DGKA: variants seen among roughly 807,000 people sequenced by gnomAD.
The protein encoded by DGKA is 80 kDa diacylglycerol kinase.
A neutral mutation model predicts 105.0 loss-of-function variants in DGKA; 35 were observed. The observed-to-expected ratio is 0.33, with a 90% CI of 0.25 to 0.44. The LOEUF is 0.44. Among genes scored for constraint, DGKA ranks in the 20% least tolerant of loss-of-function variants. DGKA has a pLI of 1.00. For synonymous variants in DGKA, 296 were observed against 332.0 expected (o/e 0.89, Z 1.18); for missense variants, 665 against 915.0 (o/e 0.73, Z 3.53).
In DGKA at chr12:55,937,071, C is replaced by T. The variant is rs765871921; in HGVS notation, c.119C>T (p.Ala40Val). ...VLKLFEDGEM[A>V]KYVQGDAIGY... ...AAGCTCTTCGAGGATGGCGAGATGG[C>T]TAAATATGTCCAAGGAGATGTGAGT... Residue 40 changes from alanine (A) to valine (V), a missense_variant, in exon 3 of 24, where the codon GCT becomes GTT. Ala to Val is a moderately conservative substitution (Grantham distance 64). Coordinates refer to ENST00000331886, the MANE Select transcript of DGKA (RefSeq NM_001345.5). The T allele has an allele frequency of 6.2e-7, 1 of 1,614,134 alleles. No homozygotes were observed. Among genetic ancestry groups the T allele is most frequent in the South Asian group, 1.1e-5 (1 of 91,088 alleles).
Position 55,932,588 on chromosome 12 carries a change from G to A in DGKA, c.-82+1244G>A, listed in dbSNP as rs1187919853. ...GAAATGAGCCTTCCTGAGGAAGAAT[G>A]GCAAATATTACTGGGCATCTCTTCA... is the stretch of plus-strand genomic sequence containing the variant. On this transcript the variant is annotated intron_variant, in intron 1 of 23. Coordinates refer to ENST00000331886, the MANE Select transcript of DGKA (RefSeq NM_001345.5). This position sits in a 1 kb window ranked among gnomAD's most constrained non-coding sequence, Gnocchi z 4.3. The A allele has an allele frequency of 4.3e-6, 3 of 702,220 alleles. No homozygotes were observed. In the South Asian group the frequency reaches 4.4e-5, roughly 10 times the overall value. The allele number at this position is 702,220 out of a possible 1,614,324, so 43.5% of individuals were successfully genotyped here. A position where few individuals can be genotyped will look rare whatever the true frequency, so the allele number is the denominator to read the frequency against.
At chr12:55,927,884 T>A, upstream of DGKA, 2 of 1,280,998 alleles carry the variant, frequency 1.6e-6, no homozygotes, top group Non-Finnish European at 2.1e-6. Context: ...CCAGACCTCC[T>A]AACCCTGAGT....
intron 2 of DGKA, 50 bp downstream of exon 2, chr12:55,936,617 T>C: frequency 6.2e-7 from 1 of 1,612,328 alleles, no homozygotes; most frequent in Non-Finnish European, 8.5e-7. Flanking sequence ...CCCCAGAGAA[T>C]CCCTCCTCCT....
Position 55,953,082 on chromosome 12 carries a change from C to T in DGKA, c.1985C>T (p.Ala662Val), listed in dbSNP as rs866827811. 6.2e-7 allele frequency: 1 copy of T among 1,614,084 alleles called. No individual in the cohort carries two copies. The highest frequency in any genetic ancestry group is 1.7e-4 in the Middle Eastern group (1 of 6,054). Residue 662 changes from alanine (A) to valine (V), a missense_variant, in exon 22 of 24, where the codon GCA becomes GTA. By Grantham distance (64) the Ala-to-Val change is moderately conservative. Around this residue, in one of 3 missense-constraint regions of DGKA, gnomAD observed 158 missense variants for 213.4 expected, o/e 0.74. Coordinates refer to ENST00000331886, the MANE Select transcript of DGKA (RefSeq NM_001345.5). ...KRLEVVGLEG[A>V]IEMGQIYTKL... is the part of the protein sequence containing the mutation. ...CTGGAAGTGGTTGGGCTGGAGGGTGCAATTGAGATGGGCCAAATCTATACC... is the reference window on the plus strand; with the variant it reads ...CTGGAAGTGGTTGGGCTGGAGGGTGTAATTGAGATGGGCCAAATCTATACC...
chr12:55,945,793 ATT>A (rs34210000), intron 17 of DGKA, among the ~76,000 whole-genome samples: 4 of 140,548 alleles, frequency 2.8e-5, no homozygotes, highest in African/African-American at 5.2e-5. Flanking sequence ...CAAAATCCTC[ATT>A]TTTTTTTTTT....
chr12:55,941,721 C>A, intron 15 of DGKA, 137 bp downstream of exon 15: 1 of 952,348 alleles, frequency 1.1e-6, no homozygotes, highest in Non-Finnish European at 1.6e-6. Flanking sequence ...CAGAATATTT[C>A]CTTCCCTAGG....
intron 1 of DGKA, 190 bp downstream of exon 1, chr12:55,931,534 G>C (rs760572434): frequency 9.8e-5 from 15 of 152,508 alleles, no homozygotes; most frequent in Non-Finnish European, 1.8e-4. Context: ...AGCCCGGGGC[G>C]GGAGGGAGGT....
intron 17 of DGKA, among the ~76,000 whole-genome samples, chr12:55,951,248 T>G (rs1198520761): frequency 6.6e-6 from 1 of 152,224 alleles, no homozygotes; most frequent in Non-Finnish European, 1.5e-5. Context: ...TATAACACTG[T>G]TTACACATGG....
chr12:55,937,229 T>A, intron 3 of DGKA, 139 bp downstream of exon 3: 1 of 1,229,470 alleles, frequency 8.1e-7, no homozygotes, highest in Non-Finnish European at 1.2e-6. Context: ...TCACTCTGAC[T>A]ATTGCTTTAG....
At chr12:55,941,665 T>C in intron 15 of DGKA, 81 bp downstream of exon 15, 1 of 1,436,824 alleles carries the variant, frequency 7.0e-7, no homozygotes, top group Non-Finnish European at 9.8e-7. Flanking sequence ...CAGGAAAGAG[T>C]GCAGATTGGG....
chr12:55,953,526 C>A, intron 23 of DGKA, 116 bp downstream of exon 23: 1 of 1,351,062 alleles, frequency 7.4e-7, no homozygotes, highest in Non-Finnish European at 1.1e-6. Context: ...GCACATCATT[C>A]ATCCTAAACC....
At chr12:55,942,790 G>A (rs1190280854) in intron 17 of DGKA, 2 of 169,916 alleles carry the variant, frequency 1.2e-5, no homozygotes, top group African/African-American at 4.8e-5. Context: ...AAAGAGGTCA[G>A]TGTAGGGCAG....
chr12:55,932,602 G>A lies in DGKA; in HGVS notation c.-82+1258G>A, dbSNP rs1471590318. On this transcript the variant is annotated intron_variant, in intron 1 of 23. Transcript: ENST00000331886. The surrounding 1 kb of genome is among the most constrained non-coding windows in gnomAD (Gnocchi z 4.3). ...TGAGGAAGAATGGCAAATATTACTG[G>A]GCATCTCTTCAGCCTCAGCACAGAC... 1.4e-6 allele frequency: 1 copy of A among 701,914 alleles called. No individual in the cohort carries two copies. The highest frequency in any genetic ancestry group is 2.6e-6 in the Non-Finnish European group (1 of 384,716). 43.5% of individuals were successfully genotyped at this position (701,914 alleles called of 1,614,324 possible).
At position 55,942,079 on chromosome 12, in the gene DGKA, C is replaced by T; in HGVS notation, c.1332C>T (p.Thr444=). The part of the protein sequence containing the change: ...GDGTVGWILE[T]IDKANLPVLP... ...GCACAGTAGGCTGGATTCTAGAGAC[C>T]ATTGGTCAGTGCAGGGAGGGGCGTG... Residue 444 remains threonine (T), a synonymous_variant, in exon 16 of 24, where the codon ACC becomes ACT. Coordinates refer to ENST00000331886, the MANE Select transcript of DGKA (RefSeq NM_001345.5). 6.2e-7 allele frequency: 1 copy of T among 1,614,120 alleles called. No individual in the cohort carries two copies. The highest frequency in any genetic ancestry group is 8.5e-7 in the Non-Finnish European group (1 of 1,180,008).
intron 1 of DGKA, among the ~76,000 whole-genome samples, chr12:55,934,526 G>T (rs1884268572): frequency 6.6e-6 from 1 of 152,212 alleles, no homozygotes; most frequent in Non-Finnish European, 1.5e-5. Context: ...CCCAAGGGAA[G>T]AGGCTGCAGA....
At chr12:55,931,388 C>T (rs774595586) in intron 1 of DGKA, 44 bp downstream of exon 1, 4 of 152,218 alleles carry the variant, frequency 2.6e-5, no homozygotes, top group Non-Finnish European at 5.9e-5. Flanking sequence ...TGGACATAGA[C>T]CAAAGTGCAA....
intron 17 of DGKA, among the ~76,000 whole-genome samples, chr12:55,948,840 G>A (rs909207719): frequency 1.3e-5 from 2 of 151,868 alleles, no homozygotes; most frequent in African/African-American, 4.8e-5. Flanking sequence ...TGGCTAACAT[G>A]GTGAAACCCT....
chr12:55,941,396 G>A, intron 14 of DGKA, 71 bp downstream of exon 14: 1 of 1,588,526 alleles, frequency 6.3e-7, no homozygotes, highest in Non-Finnish European at 8.6e-7. Context: ...AAGGTGGAAG[G>A]GGATGTGTGT....
At position 55,952,277 on chromosome 12, in the gene DGKA, C is replaced by A; in HGVS notation, c.1653-64C>A. 1 of 1,555,678 alleles carries A rather than the reference C, an allele frequency of 6.4e-7. No individual in the cohort carries two copies. The highest frequency in any genetic ancestry group is 8.9e-7 in the Non-Finnish European group (1 of 1,126,962). ...GGTTGATGCCCTTCCCTGTCACGTA[C>A]CACCCCTGCCAGCACTGTGTAACCT... On this transcript the variant is annotated intron_variant, in intron 19 of 23. Coordinates refer to ENST00000331886, the MANE Select transcript of DGKA (RefSeq NM_001345.5). This position sits in a 1 kb window ranked among gnomAD's most constrained non-coding sequence, Gnocchi z 5.1.
Sources: gnomAD v4.1 joint callset for allele counts (sites outside exome capture counted in the v4.1 genomes callset) on GRCh38, gnomAD v4.1.1 for gene constraint, gnomAD v4.1.1 regional missense constraint, Gnocchi (gnomAD v3.1) non-coding constraint, MANE v1.5 for transcripts, NCBI Gene and HGNC (gene_info 2026-07-23, HGNC 2026-07-21) for gene names.